Variants in PTGFR observed in about 807,000 individuals in gnomAD.
PTGFR encodes the protein prostaglandin F receptor.
PTGFR carries 15 observed loss-of-function variants against 26.2 expected under a neutral mutation model. The ratio of observed to expected loss-of-function variants is 0.57; its 90% CI spans 0.38 to 0.88. PTGFR has a LOEUF of 0.88. PTGFR is among the 40% of genes least tolerant of loss of function. The probability of loss-of-function intolerance (pLI) is 0.00; values close to 1 mark genes in which losing one functional copy is unlikely to be tolerated. For synonymous variants in PTGFR, 165 were observed against 151.1 expected (o/e 1.09, Z -0.68); for missense variants, 369 against 427.2 (o/e 0.86, Z 1.20).
At chr1:78,507,713 T>A (rs1224938758) in intron 2 of PTGFR, among the ~76,000 whole-genome samples, 1 of 152,208 alleles carries the variant, frequency 6.6e-6, no homozygotes, top group African/African-American at 2.4e-5. Flanking sequence ...GCTTTGTTAC[T>A]GCTGCAATTT....
chr1:78,505,708 A>G (rs1250661030), intron 2 of PTGFR, among the ~76,000 whole-genome samples: 1 of 152,132 alleles, frequency 6.6e-6, no homozygotes, highest in Non-Finnish European at 1.5e-5. Flanking sequence ...CACACCCCAA[A>G]GTCCGTGACA....
intron 2 of PTGFR, among the ~76,000 whole-genome samples, chr1:78,522,333 A>T (rs1028746928): frequency 6.6e-6 from 1 of 151,974 alleles, no homozygotes; most frequent in Non-Finnish European, 1.5e-5. Context: ...CACTTAGATA[A>T]TCTCACTATC....
intron 2 of PTGFR, among the ~76,000 whole-genome samples, chr1:78,524,165 A>C (rs520171): frequency 0.76 from 114,668 of 151,822 alleles, 44,180 homozygotes; most frequent in Non-Finnish European, 0.82. Context: ...GCACTTGTTC[A>C]AGGGTGTGAA....
intron 2 of PTGFR, among the ~76,000 whole-genome samples, chr1:78,513,009 A>T (rs1449550224): frequency 6.6e-6 from 1 of 152,164 alleles, no homozygotes; most frequent in Non-Finnish European, 1.5e-5. Flanking sequence ...TTTCCTGTTC[A>T]GCCTGTAGAA....
At position 78,515,094 on chromosome 1, in the gene PTGFR, C is replaced by T. The variant is rs530433057; in HGVS notation, c.799-21312C>T. 1.2e-4 allele frequency among the ~76,000 whole-genome samples: 19 copies of T among 152,154 alleles called. No individual in the cohort carries two copies. The South Asian group carries it at 1.5e-3, about 12-fold the overall frequency. On this transcript the variant is annotated intron_variant, in intron 2 of 2. Transcript: ENST00000370757. ...AAATGGACTAACACAATGGGGACCA[C>T]ATTGCGACATAAGATTTGGAGAGGA...
chr1:78,521,079 A>G (rs1028585068), intron 2 of PTGFR, among the ~76,000 whole-genome samples: 6 of 152,012 alleles, frequency 3.9e-5, no homozygotes, highest in African/African-American at 7.2e-5. Flanking sequence ...TTAATTTCCC[A>G]TCCCCCAGCT....
At chr1:78,532,099 T>A (rs1325728965) in intron 2 of PTGFR, 6 of 333,262 alleles carry the variant, frequency 1.8e-5, no homozygotes, top group African/African-American at 4.6e-5. Flanking sequence ...TGGCATGTTT[T>A]TGGCATTTGT....
rs1337359942 is a variant in PTGFR at position 78,493,503 on chromosome 1, A to G, written c.760A>G (p.Ile254Val). Residue 254 changes from isoleucine (I) to valine (V), a missense_variant, in exon 2 of 3, where the codon ATA (isoleucine) becomes GTA (valine). Ile to Val is a conservative substitution (Grantham distance 29). Transcript: ENST00000370757. ...HLEMVIQLLA[I>V]MCVSCICWSP... ...GGAAATGGTAATCCAGCTCCTGGCG[A>G]TAATGTGTGTCTCCTGTATTTGTTG... is the stretch of plus-strand genomic sequence containing the variant. 1.3e-6 allele frequency: 2 copies of G among 1,571,514 alleles called. No homozygotes were observed. The highest frequency in any genetic ancestry group is 2.7e-5 in the African/African-American group (2 of 73,046).
Position 78,491,792 on chromosome 1 carries a change from C to T in PTGFR, c.-73+556C>T, listed in dbSNP as rs35297444. 1.1e-4 allele frequency among the ~76,000 whole-genome samples: 17 copies of T among 152,326 alleles called. No homozygotes were observed. The East Asian group carries it at 3.3e-3, about 30-fold the overall frequency. On this transcript the variant is annotated intron_variant, in intron 1 of 2. Transcript: ENST00000370757. ...CAGGAAAGGCTGGCTCCGGAATTCC[C>T]AGCCTCCGGGAAAGCTAGCTGCTCG...
At chr1:78,509,793 T>A (rs1649921229) in intron 2 of PTGFR, among the ~76,000 whole-genome samples, 1 of 152,226 alleles carries the variant, frequency 6.6e-6, no homozygotes. Context: ...TCATATAGTT[T>A]TACATTTTTG....
In PTGFR at chr1:78,522,780, T is replaced by TA. The variant is rs908109966; in HGVS notation, c.799-13619dup. Reference sequence around the variant, plus strand: ...ACGCCCCTGCAAAATCTGTTTTTTCTAAAAAAACAGTTTGACTTTGTGAAC... The same window carrying TA: ...ACGCCCCTGCAAAATCTGTTTTTTCTAAAAAAAACAGTTTGACTTTGTGAAC... On this transcript the variant is annotated intron_variant, in intron 2 of 2. Transcript: ENST00000370757. 3.3e-4 allele frequency among the ~76,000 whole-genome samples: 50 copies of TA among 152,070 alleles called. 1 individual carries two copies. The highest frequency in any genetic ancestry group is 8.8e-5 in the Non-Finnish European group (6 of 68,004).
At chr1:78,510,123 G>A (rs1557652077) in intron 2 of PTGFR, among the ~76,000 whole-genome samples, 1 of 152,160 alleles carries the variant, frequency 6.6e-6, no homozygotes, top group Non-Finnish European at 1.5e-5. Flanking sequence ...GTGCATTCAG[G>A]TACTAACCTA....
At chr1:78,511,507 G>T (rs1649969857) in intron 2 of PTGFR, among the ~76,000 whole-genome samples, 2 of 152,190 alleles carry the variant, frequency 1.3e-5, no homozygotes, top group South Asian at 4.1e-4. Context: ...GAGTAGCGTT[G>T]TGAGGCTGCA....
At chr1:78,501,904 T>C (rs1356042238) in intron 2 of PTGFR, among the ~76,000 whole-genome samples, 2 of 152,194 alleles carry the variant, frequency 1.3e-5, no homozygotes, top group East Asian at 1.9e-4. Context: ...GATTGGCACA[T>C]AGTAAATGTA....
At chr1:78,532,361 CATTTATATATATATATATATATAT>C (rs1650528901) in intron 2 of PTGFR, 1 of 39,058 alleles carries the variant, frequency 2.6e-5, no homozygotes, top group South Asian at 1.1e-3. Flanking sequence ...CAAGTAAATT[CATTTATATATATATATATATATAT>C]ATATATATAT....
intron 2 of PTGFR, among the ~76,000 whole-genome samples, chr1:78,503,853 C>T (rs1472747047): frequency 6.6e-6 from 1 of 152,218 alleles, no homozygotes; most frequent in East Asian, 1.9e-4. Context: ...GTTGTAGCAG[C>T]AGTGGCATCA....
intron 2 of PTGFR, among the ~76,000 whole-genome samples, chr1:78,503,013 A>G (rs1351916182): frequency 2.0e-5 from 3 of 152,162 alleles, no homozygotes; most frequent in African/African-American, 7.2e-5. Context: ...TTACAAAGAA[A>G]AATTACTGGA....
chr1:78,532,807 T>C (rs558026846), intron 2 of PTGFR, among the ~76,000 whole-genome samples: 1 of 152,244 alleles, frequency 6.6e-6, no homozygotes, highest in East Asian at 1.9e-4. Context: ...TATATCCATA[T>C]TTTCTAAGTA....
chr1:78,516,870 A>G (rs1650100873), intron 2 of PTGFR, among the ~76,000 whole-genome samples: 2 of 152,088 alleles, frequency 1.3e-5, no homozygotes, highest in African/African-American at 4.8e-5. Context: ...TCAGGCTTTG[A>G]TTAAAATCAG....
Sources: gnomAD v4.1 joint callset for allele counts (sites outside exome capture counted in the v4.1 genomes callset) on GRCh38, gnomAD v4.1.1 for gene constraint, MANE v1.5 for transcripts, NCBI Gene and HGNC (gene_info 2026-07-23, HGNC 2026-07-21) for gene names.